The following LYST variants were observed in gnomAD, a reference collection of about 807,000 sequenced individuals.
LYST encodes lysosomal-trafficking regulator.
LYST carries 192 observed loss-of-function variants against 413.6 expected under a neutral mutation model. That is an observed-to-expected ratio of 0.46 (90% confidence interval 0.41 to 0.52). The LOEUF is 0.52. LYST is among the 20% of genes least tolerant of loss of function. The probability of loss-of-function intolerance (pLI) is 0.00; values close to 1 mark genes in which losing one functional copy is unlikely to be tolerated. For missense variants in LYST, 3,815 were observed against 4,499.9 expected, an observed-to-expected ratio of 0.85 and a Z score of 4.35; for synonymous variants, 1,525 against 1,567.3, an observed-to-expected ratio of 0.97 and a Z score of 0.64.
At chr1:235,820,830 A>G (rs1674675796) in intron 3 of LYST, among the ~76,000 whole-genome samples, 1 of 152,206 alleles carries the variant, frequency 6.6e-6, no homozygotes, top group Non-Finnish European at 1.5e-5. Context: ...GTATATACAC[A>G]TATATGAAAG....
chr1:235,787,439 A>ATATAGTAAC (rs1670540934), intron 13 of LYST, 66 bp from the exon 14 acceptor site: 5 of 1,195,658 alleles, frequency 4.2e-6, no homozygotes, highest in Non-Finnish European at 6.2e-6. Context: ...TTTAACATAC[A>ATATAGTAAC]TATAGTAACT....
chr1:235,854,711 G>A lies in LYST; in HGVS notation c.-98+12132C>T, dbSNP rs1183361432. ...TAGCACAGTGCCTGGCAGATTGCAG[G>A]AAAATCAATTATTATTAGATATTAT... On this transcript the variant is annotated intron_variant, in intron 1 of 52. Transcript: ENST00000389793. This position sits in a 1 kb window ranked among gnomAD's most constrained non-coding sequence, Gnocchi z 4.1. Among the ~76,000 whole-genome samples, 8 of 152,114 alleles carry A rather than the reference G, an allele frequency of 5.3e-5. No individual in the cohort carries two copies. Among genetic ancestry groups the A allele is most frequent in the Admixed American group, 4.6e-4 (7 of 15,276 alleles).
At chr1:235,756,009 ATATCTATATCTATATC>A (rs1667009362) in intron 24 of LYST, among the ~76,000 whole-genome samples, 1 of 72,876 alleles carries the variant, frequency 1.4e-5, no homozygotes, top group African/African-American at 9.1e-5. Context: ...ATCTATATCT[ATATCTATATCTATATC>A]TATATCTATA....
chr1:235,857,774 CACACACACACAT>C (rs1013251788), intron 1 of LYST, among the ~76,000 whole-genome samples: 4 of 141,730 alleles, frequency 2.8e-5, no homozygotes, highest in African/African-American at 8.3e-5. Flanking sequence ...CACACACACA[CACACACACACAT>C]ATATATATAA....
In LYST at chr1:235,759,405, A is replaced by G. The variant is rs773137051; in HGVS notation, c.6448T>C (p.Leu2150=). 6.2e-7 allele frequency: 1 copy of G among 1,614,128 alleles called. No individual in the cohort carries two copies. The highest frequency in any genetic ancestry group is 1.1e-5 in the South Asian group (1 of 91,090). ...VATQSKKQNS[L]GSSDTLKKGK... is the part of the protein sequence containing the mutation. ...TTTTTCAGTGTGTCGGAACTCCCCA[A>G]AGAATTTTGTTTCTTTGATTGGGTG... Residue 2150 remains leucine, a synonymous_variant, in exon 23 of 53, where the codon TTG becomes CTG. Transcript: ENST00000389793.
chr1:235,698,031 TGAA>T (rs1295734102), intron 45 of LYST, among the ~76,000 whole-genome samples: 1 of 152,152 alleles, frequency 6.6e-6, no homozygotes, highest in Non-Finnish European at 1.5e-5. Context: ...AGTTTCAAAA[TGAA>T]GAAGAAAAGA....
At chr1:235,824,134 A>T (rs1247221444) in intron 3 of LYST, among the ~76,000 whole-genome samples, 3 of 152,254 alleles carry the variant, frequency 2.0e-5, no homozygotes, top group African/African-American at 7.2e-5. Context: ...CTACATAGAA[A>T]ATAGCCAAAG....
intron 10 of LYST, among the ~76,000 whole-genome samples, chr1:235,794,949 T>C (rs1178005653): frequency 6.6e-6 from 1 of 152,030 alleles, no homozygotes. Flanking sequence ...AAGTACAGAA[T>C]TATAAGAAGG....
At chr1:235,697,979 T>C (rs893992335) in intron 45 of LYST, among the ~76,000 whole-genome samples, 1 of 152,142 alleles carries the variant, frequency 6.6e-6, no homozygotes, top group African/African-American at 2.4e-5. Context: ...CGAACGGTAA[T>C]GAAAAGGTTT....
chr1:235,845,175 A>G (rs1677668954), intron 1 of LYST, among the ~76,000 whole-genome samples: 1 of 152,148 alleles, frequency 6.6e-6, no homozygotes, highest in Admixed American at 6.6e-5. Context: ...CAACTGTGCA[A>G]GTGGGAAAGG....
intron 46 of LYST, among the ~76,000 whole-genome samples, chr1:235,694,865 TCTC>T (rs1276566576): frequency 6.6e-6 from 1 of 152,084 alleles, no homozygotes; most frequent in Non-Finnish European, 1.5e-5. Context: ...AAAAGAAACT[TCTC>T]CTTTAACTAT....
chr1:235,672,155 G>T (rs1658993196), intron 50 of LYST, among the ~76,000 whole-genome samples: 1 of 152,192 alleles, frequency 6.6e-6, no homozygotes, highest in Non-Finnish European at 1.5e-5. Context: ...GAGGAATGTA[G>T]AATCAAGTTT....
Position 235,810,166 on chromosome 1 carries a change from C to T in LYST, c.652G>A (p.Ala218Thr), listed in dbSNP as rs762042940. 3 of 1,614,160 alleles carry T rather than the reference C, an allele frequency of 1.9e-6. No homozygotes were observed. The South Asian group carries it at 3.3e-5, about 18-fold the overall frequency. The change falls in exon 5 of 53, where the codon GCT becomes ACT. Residue 218 changes from alanine to threonine, a missense_variant. By Grantham distance (58) the Ala-to-Thr change is moderately conservative. Transcript: ENST00000389793. ...LATKEQTPPD[A>T]MALENSREII... ...TCTCTGGAATTTTCCAAAGCCATAG[C>T]ATCTGGAGGAGTCTGTTCTTTGGTT...
At chr1:235,723,311 G>C (rs1018081991) in intron 39 of LYST, among the ~76,000 whole-genome samples, 4 of 152,178 alleles carry the variant, frequency 2.6e-5, no homozygotes, top group Non-Finnish European at 5.9e-5. Context: ...ATTCAGGGGA[G>C]AGGTTTGGGT....
At chr1:235,729,564 A>T in intron 37 of LYST, 32 bp downstream of exon 37, 1 of 1,440,760 alleles carries the variant, frequency 6.9e-7, no homozygotes. Context: ...GGCAGGGTGA[A>T]TATGTGCAAA....
At chr1:235,761,244 C>A (rs1057112750) in intron 22 of LYST, among the ~76,000 whole-genome samples, 1 of 152,104 alleles carries the variant, frequency 6.6e-6, no homozygotes, top group African/African-American at 2.4e-5. Context: ...ATATCTAGTT[C>A]TATCTATCTC....
chr1:235,705,304 G>C (rs1264220922), intron 44 of LYST, among the ~76,000 whole-genome samples: 1 of 151,814 alleles, frequency 6.6e-6, no homozygotes, highest in East Asian at 1.9e-4. Flanking sequence ...CCTTCTAAAA[G>C]TTACTAAAGT....
At chr1:235,778,668 T>C (rs975851813) in intron 16 of LYST, among the ~76,000 whole-genome samples, 1 of 152,026 alleles carries the variant, frequency 6.6e-6, no homozygotes, top group Non-Finnish European at 1.5e-5. Context: ...ATTACAAGCA[T>C]GAGCCACCGT....
intron 45 of LYST, 151 bp from the exon 46 acceptor site, chr1:235,697,423 C>A: frequency 1.6e-6 from 1 of 630,400 alleles, no homozygotes; most frequent in Non-Finnish European, 2.8e-6. Flanking sequence ...TTTTTTACTT[C>A]CCCATGCTTA....
Sources: gnomAD v4.1 joint callset for allele counts (sites outside exome capture counted in the v4.1 genomes callset) on GRCh38, gnomAD v4.1.1 for gene constraint, Gnocchi (gnomAD v3.1) non-coding constraint, MANE v1.5 for transcripts, NCBI Gene and HGNC (gene_info 2026-07-23, HGNC 2026-07-21) for gene names.